The following EFCAB11 variants were observed in gnomAD, a reference collection of about 807,000 sequenced individuals.
EFCAB11 encodes EF-hand calcium-binding domain-containing protein 11.
A neutral mutation model predicts 23.0 loss-of-function variants in EFCAB11; 14 were observed. The observed-to-expected ratio is 0.61, with a 90% confidence interval of 0.40 to 0.95. The LOEUF (loss-of-function observed/expected upper bound fraction) is 0.95, where lower values mean the gene tolerates loss of function less well. Ranked by LOEUF, EFCAB11 falls within the 40% of genes least tolerant of loss-of-function variation. The pLI, the probability that EFCAB11 is intolerant of heterozygous loss-of-function variation, is 0.00. For missense variants in EFCAB11, 198 were observed against 195.8 expected, an observed-to-expected ratio of 1.01 and a Z score of -0.07; for synonymous variants, 65 against 66.6, an observed-to-expected ratio of 0.98 and a Z score of 0.11.
chr14:89,926,954 G>A (rs184573285), intron 5 of EFCAB11, among the ~76,000 whole-genome samples: 15 of 152,264 alleles, frequency 9.9e-5, no homozygotes, highest in Admixed American at 5.9e-4. Context: ...GAATGTCAAC[G>A]TTATGAACCC....
intron 5 of EFCAB11, among the ~76,000 whole-genome samples, chr14:89,828,242 C>A (rs889777231): frequency 5.9e-5 from 9 of 151,416 alleles, no homozygotes; most frequent in Non-Finnish European, 1.0e-4. Flanking sequence ...TGTATAAAAA[C>A]CTATGAAAAT....
chr14:89,917,880 G>C (rs898637369), intron 5 of EFCAB11, among the ~76,000 whole-genome samples: 4 of 152,236 alleles, frequency 2.6e-5, no homozygotes, highest in Non-Finnish European at 5.9e-5. Context: ...GACTAAGTAA[G>C]GCAACACGTA....
chr14:89,814,961 G>A (rs1886282407), intron 5 of EFCAB11, among the ~76,000 whole-genome samples: 1 of 152,168 alleles, frequency 6.6e-6, no homozygotes, highest in Admixed American at 6.5e-5. Flanking sequence ...TGTACACACT[G>A]CAAGCAGTAC....
intron 3 of EFCAB11, among the ~76,000 whole-genome samples, chr14:89,940,981 C>A (rs1288720395): frequency 6.6e-6 from 1 of 152,182 alleles, no homozygotes; most frequent in Admixed American, 6.5e-5. Context: ...GAACACACAG[C>A]CTTTGCCCTT....
intron 5 of EFCAB11, among the ~76,000 whole-genome samples, chr14:89,886,600 C>T (rs1309831614): frequency 1.4e-5 from 2 of 146,192 alleles, no homozygotes; most frequent in Non-Finnish European, 3.0e-5. Context: ...TTAAAAATAT[C>T]AAGACTGGTT....
chr14:89,831,941 T>C (rs1311298070), intron 5 of EFCAB11, among the ~76,000 whole-genome samples: 27 of 151,934 alleles, frequency 1.8e-4, no homozygotes, highest in Admixed American at 1.5e-3. Flanking sequence ...CGGGTGGTGG[T>C]GAAGAGTAGA....
At chr14:89,853,366 T>C (rs1050978747) in intron 5 of EFCAB11, among the ~76,000 whole-genome samples, 10 of 152,212 alleles carry the variant, frequency 6.6e-5, no homozygotes, top group African/African-American at 2.2e-4. Context: ...TAAAAATATA[T>C]ATTGTTAGCA....
At chr14:89,873,060 A>G (rs1234811577) in intron 5 of EFCAB11, among the ~76,000 whole-genome samples, 1 of 152,200 alleles carries the variant, frequency 6.6e-6, no homozygotes, top group African/African-American at 2.4e-5. Flanking sequence ...TATTAGTATT[A>G]GTCTATGTCA....
At chr14:89,797,935 T>A (rs1596369456) in intron 5 of EFCAB11, among the ~76,000 whole-genome samples, 1 of 151,692 alleles carries the variant, frequency 6.6e-6, no homozygotes, top group East Asian at 1.9e-4. Context: ...TCCATCTCAA[T>A]TAAGAAAAAA....
At chr14:89,855,308 T>C (rs1887719660) in intron 5 of EFCAB11, among the ~76,000 whole-genome samples, 1 of 151,968 alleles carries the variant, frequency 6.6e-6, no homozygotes, top group Non-Finnish European at 1.5e-5. Context: ...AAACCCCATC[T>C]CTACAAAAAA....
At chr14:89,924,508 C>T in intron 5 of EFCAB11, 2 of 1,436,240 alleles carry the variant, frequency 1.4e-6, no homozygotes, top group Admixed American at 2.6e-5. Flanking sequence ...AATAGCAGTG[C>T]TTACAATGAG....
intron 5 of EFCAB11, among the ~76,000 whole-genome samples, chr14:89,904,995 A>G (rs1479505574): frequency 6.6e-6 from 1 of 152,122 alleles, no homozygotes; most frequent in Non-Finnish European, 1.5e-5. Context: ...TCTTTGCTCA[A>G]AGTAAGTCAC....
intron 5 of EFCAB11, chr14:89,923,899 C>CGCAAAT: frequency 1.0e-6 from 1 of 985,358 alleles, no homozygotes; most frequent in Middle Eastern, 5.2e-4. Context: ...TCAAAAGAGA[C>CGCAAAT]GCAAATGACT....
At chr14:89,816,636 G>T (rs1304751975) in intron 5 of EFCAB11, among the ~76,000 whole-genome samples, 2 of 152,100 alleles carry the variant, frequency 1.3e-5, no homozygotes, top group Non-Finnish European at 2.9e-5. Flanking sequence ...TTAGTGGCAT[G>T]TTTCCTAAAG....
intron 3 of EFCAB11, among the ~76,000 whole-genome samples, chr14:89,945,258 C>T (rs901329454): frequency 1.3e-5 from 2 of 151,796 alleles, no homozygotes; most frequent in Admixed American, 1.3e-4. Context: ...CCACTTATTT[C>T]GGGCCTTATT....
Position 89,808,004 on chromosome 14 carries a change from T to A in EFCAB11, c.411-10680A>T, listed in dbSNP as rs61610635. Among the ~76,000 whole-genome samples, 678 of 152,294 alleles carry A rather than the reference T, an allele frequency of 4.5e-3. 5 individuals are homozygous for A. The highest frequency in any genetic ancestry group is 0.016 in the African/African-American group (646 of 41,576). ...TCAAACGAGTGGGGATGGAATAGGT[T>A]GGCAGGAAAAGAAGCCGGGATAATT... On this transcript the variant is annotated intron_variant, in intron 5 of 5. Transcript: ENST00000316738.
chr14:89,859,771 G>C (rs1006635574), intron 5 of EFCAB11, among the ~76,000 whole-genome samples: 1 of 152,232 alleles, frequency 6.6e-6, no homozygotes, highest in Non-Finnish European at 1.5e-5. Context: ...CATAGACAGA[G>C]GAAACAGGCA....
At chr14:89,857,505 GTCTT>G (rs1376768201) in intron 5 of EFCAB11, among the ~76,000 whole-genome samples, 1 of 70,014 alleles carries the variant, frequency 1.4e-5, no homozygotes, top group Non-Finnish European at 4.1e-5. Flanking sequence ...TACTGACCTG[GTCTT>G]TCTTTTTTTT....
chr14:89,909,913 C>T lies in EFCAB11; in HGVS notation c.410+21628G>A, dbSNP rs182510997. On this transcript the variant is annotated intron_variant, in intron 5 of 5. Transcript: ENST00000316738. The stretch of plus-strand genomic sequence containing the variant: ...AATGGAGACCATCCTCCAGGTCTCA[C>T]GCCGGCTATCACTTCTCTGATGTCA... 3.0e-3 allele frequency among the ~76,000 whole-genome samples: 460 copies of T among 152,310 alleles called. 3 individuals carry two copies. The highest frequency in any genetic ancestry group is 9.9e-3 in the African/African-American group (411 of 41,580).
Sources: allele counts gnomAD v4.1 joint callset (sites outside exome capture counted in the v4.1 genomes callset), GRCh38; gene constraint gnomAD v4.1.1; transcripts MANE v1.5; gene names NCBI Gene and HGNC (gene_info 2026-07-23, HGNC 2026-07-21).